Variants in TMEM43 observed in about 807,000 individuals in gnomAD.
TMEM43 encodes transmembrane protein 43.
A neutral mutation model predicts 49.6 loss-of-function variants in TMEM43; 45 were observed. The observed-to-expected ratio is 0.91, with a 90% CI of 0.71 to 1.16. TMEM43 has a LOEUF of 1.16. Among genes scored for constraint, TMEM43 ranks in the 50% most tolerant of loss-of-function variants. TMEM43 has a pLI of 0.00. For synonymous variants in TMEM43, 199 were observed against 207.8 expected, an observed-to-expected ratio of 0.96 and a Z score of 0.36; for missense variants, 532 against 516.6, an observed-to-expected ratio of 1.03 and a Z score of -0.29.
At chr3:14,129,388 C>G (rs1296375839) in intron 1 of TMEM43, 24 bp from the exon 2 acceptor site, 2 of 1,521,742 alleles carry the variant, frequency 1.3e-6, no homozygotes, top group Non-Finnish European at 1.8e-6. Flanking sequence ...AGTTTTCATT[C>G]TGTTACTGTT....
chr3:14,134,845 G>A lies in TMEM43; in HGVS notation c.659G>A (p.Arg220His), dbSNP rs570836197. ...GAGGACCCTCATGTGGACATCATTCGCCGTGGAGACTTTTTCTACCACAGC... is the reference window on the plus strand; with the variant it reads ...GAGGACCCTCATGTGGACATCATTCACCGTGGAGACTTTTTCTACCACAGC... The part of the protein sequence containing the change: ...KLEDPHVDII[R>H]RGDFFYHSEN... Residue 220 changes from arginine to histidine, a missense_variant, in exon 8 of 12, where the codon CGC becomes CAC. Transcript: ENST00000306077. 5.1e-5 allele frequency: 83 copies of A among 1,614,046 alleles called. No homozygotes were observed. The highest frequency in any genetic ancestry group is 6.6e-5 in the South Asian group (6 of 91,092).
intron 1 of TMEM43, among the ~76,000 whole-genome samples, chr3:14,125,438 G>C (rs1300540408): frequency 1.3e-5 from 2 of 152,212 alleles, no homozygotes; most frequent in African/African-American, 4.8e-5. Flanking sequence ...CTCGGCGTTC[G>C]TGCGGAGGCG....
chr3:14,139,423 C>T (rs1388357436), intron 11 of TMEM43, 126 bp downstream of exon 11: 3 of 760,926 alleles, frequency 3.9e-6, no homozygotes, highest in East Asian at 2.5e-5. Context: ...GCATTTGGCT[C>T]ATCTCTGTGT....
chr3:14,130,712 T>A, intron 2 of TMEM43, 110 bp from the exon 3 acceptor site: 2 of 1,391,522 alleles, frequency 1.4e-6, no homozygotes, highest in Non-Finnish European at 2.0e-6. Context: ...GGTGGGGAGA[T>A]GGGTCTCAGC....
rs768508021 is a variant in TMEM43 at position 14,132,613 on chromosome 3, T to TA, written c.442+19dup. 5 of 1,613,720 alleles carry TA rather than the reference T, an allele frequency of 3.1e-6. No individual in the cohort carries two copies. Among genetic ancestry groups the TA allele is most frequent in the Middle Eastern group, 1.7e-4 (1 of 6,058 alleles). ...TTCCTACAGTGAGTGCTGGGCCCCT[T>TA]ACGTGGTCTCTGCCCATGGTGGGGG... is the stretch of plus-strand genomic sequence containing the variant. On this transcript the variant is annotated intron_variant, in intron 5 of 11. Coordinates refer to ENST00000306077, the MANE Select transcript of TMEM43 (RefSeq NM_024334.3).
chr3:14,132,903 CT>C lies in TMEM43; in HGVS notation c.482del (p.Phe161SerfsTer46), dbSNP rs769722980. On this transcript the variant is annotated frameshift_variant, in exon 6 of 12. Coordinates refer to ENST00000306077, the MANE Select transcript of TMEM43 (RefSeq NM_024334.3). LOFTEE classifies it high-confidence loss of function. ...GGTCAGAAATCATCAACAGCAAAAACTTCGACCGAGAGATTGGCCACAAAAA... is the reference window on the plus strand; with the variant it reads ...GGTCAGAAATCATCAACAGCAAAAACTCGACCGAGAGATTGGCCACAAAAA... ...WRSEIINSKN[F>X]DREIGHKNPS... 1 of 1,614,102 alleles carries C rather than the reference CT, an allele frequency of 6.2e-7. No individual in the cohort carries two copies. Among genetic ancestry groups the C allele is most frequent in the Admixed American group, 1.7e-5 (1 of 60,032 alleles).
intron 6 of TMEM43, 152 bp from the exon 7 acceptor site, chr3:14,133,587 G>A: frequency 1.3e-6 from 1 of 771,720 alleles, no homozygotes; most frequent in South Asian, 1.4e-5. Flanking sequence ...AGGGCCCCTG[G>A]GGGTGGACAG....
rs751086845 is a variant in TMEM43, at chr3:14,135,863, T to G, written c.837T>G (p.Ser279=). The change falls in exon 10 of 12, where the codon TCT becomes TCG. Residue 279 remains serine, a synonymous_variant. Coordinates refer to ENST00000306077, the MANE Select transcript of TMEM43 (RefSeq NM_024334.3). ...GDQLVPFSTK[S]GDTLLLLHHG... ...AGCTAGTCCCATTCTCCACCAAGTC[T>G]GGGGATACCTTACTGCTCCTGCACC... The G allele has an allele frequency of 2.5e-6, 4 of 1,614,136 alleles. No homozygotes were observed. The highest frequency in any genetic ancestry group is 2.2e-5 in the South Asian group (2 of 91,080).
intron 1 of TMEM43, chr3:14,128,803 G>A: frequency 3.1e-6 from 1 of 323,760 alleles, no homozygotes; most frequent in Non-Finnish European, 6.2e-6. Flanking sequence ...GAAAGCACAT[G>A]TCTGCATAAA....
Position 14,125,245 on chromosome 3 carries a change from C to T in TMEM43, c.12+40C>T, listed in dbSNP as rs770141102. 13 of 1,590,656 alleles carry T rather than the reference C, an allele frequency of 8.2e-6. 1 individual carries two copies. The African/African-American group carries it at 1.6e-4, about 20-fold the overall frequency. On this transcript the variant is annotated intron_variant, in intron 1 of 11. Transcript: ENST00000306077. ...GCCAGCCGGGCCACACCCAGGCTTC[C>T]CCGTCGCCCTGGGGCTTTTCCCCGG...
Position 14,135,840 on chromosome 3 carries a change from C to T in TMEM43, c.814C>T (p.Leu272=), listed in dbSNP as rs759993739. The T allele has an allele frequency of 3.1e-6, 5 of 1,613,970 alleles. No homozygotes were observed. The highest frequency in any genetic ancestry group is 4.2e-6 in the Non-Finnish European group (5 of 1,180,038). ...GATTGCCCGGCAGCGGGGTGACCAG[C>T]TAGTCCCATTCTCCACCAAGTCTGG... ...TVIARQRGDQ[L]VPFSTKSGDT... is the part of the protein sequence containing the mutation. Residue 272 remains leucine (L), a synonymous_variant, in exon 10 of 12, where the codon CTA becomes TTA. Transcript: ENST00000306077.
chr3:14,127,793 G>A (rs1183435228), intron 1 of TMEM43, among the ~76,000 whole-genome samples: 1 of 152,180 alleles, frequency 6.6e-6, no homozygotes, highest in African/African-American at 2.4e-5. Context: ...GTCACTGGAG[G>A]CCTTGGCTGG....
intron 11 of TMEM43, among the ~76,000 whole-genome samples, chr3:14,140,013 TGA>T (rs1695227111): frequency 6.6e-6 from 1 of 152,222 alleles, no homozygotes; most frequent in South Asian, 2.1e-4. Flanking sequence ...TCCAGTCACA[TGA>T]TTGCATCAGT....
chr3:14,136,690 G>C (rs1176284647), intron 10 of TMEM43, among the ~76,000 whole-genome samples: 1 of 136,378 alleles, frequency 7.3e-6, no homozygotes, highest in Admixed American at 8.3e-5. Flanking sequence ...AGCCCAGAGC[G>C]GGGAGAGGGA....
intron 3 of TMEM43, 91 bp from the exon 4 acceptor site, chr3:14,131,489 C>A: frequency 9.6e-7 from 1 of 1,047,092 alleles, no homozygotes; most frequent in Non-Finnish European, 1.5e-6. Flanking sequence ...CTATTTCTTC[C>A]TCTTCCAGTC....
intron 7 of TMEM43, 116 bp from the exon 8 acceptor site, chr3:14,134,654 G>A: frequency 7.4e-7 from 1 of 1,349,258 alleles, no homozygotes; most frequent in Middle Eastern, 2.0e-4. Flanking sequence ...CACTGCAGGT[G>A]GGAGTGCCAC....
At chr3:14,138,880 A>G (rs1336774661) in intron 10 of TMEM43, among the ~76,000 whole-genome samples, 1 of 152,202 alleles carries the variant, frequency 6.6e-6, no homozygotes, top group Non-Finnish European at 1.5e-5. Context: ...CAACCTGCTC[A>G]GGGGTGGTGG....
intron 1 of TMEM43, chr3:14,128,736 C>T (rs1007806813): frequency 5.1e-5 from 13 of 256,472 alleles, no homozygotes; most frequent in African/African-American, 1.6e-4. Flanking sequence ...AAAAGTTAAA[C>T]GTACATCTTC....
rs1369869806 is a variant in TMEM43, at chr3:14,132,881, C to T, written c.458C>T (p.Ser153Leu). Reference protein sequence around the residue: ...TRYSYNTEWRSEIINSKNFDR... With the variant: ...TRYSYNTEWRLEIINSKNFDR... ...CCCTGAGCAGACACTGAATGGAGGT[C>T]AGAAATCATCAACAGCAAAAACTTC... is the stretch of plus-strand genomic sequence containing the variant. The change falls in exon 6 of 12, where the codon TCA (serine) becomes TTA (leucine). Residue 153 changes from serine to leucine, a missense_variant. Coordinates refer to ENST00000306077, the MANE Select transcript of TMEM43 (RefSeq NM_024334.3). The T allele has an allele frequency of 5.0e-6, 8 of 1,613,962 alleles. No individual in the cohort carries two copies. Among genetic ancestry groups the T allele is most frequent in the Non-Finnish European group, 6.8e-6 (8 of 1,179,956 alleles).
Sources: allele counts gnomAD v4.1 joint callset (sites outside exome capture counted in the v4.1 genomes callset), GRCh38; gene constraint gnomAD v4.1.1; transcripts MANE v1.5; gene names NCBI Gene and HGNC (gene_info 2026-07-23, HGNC 2026-07-21).